The following CHLSN variants were observed in gnomAD, a reference collection of about 807,000 sequenced individuals.
The protein encoded by CHLSN is protein cholesin.
At chr7:1,105,859 G>A in the CHLSN span, among the ~76,000 whole-genome samples, 2 of 152,146 alleles carry the variant, frequency 1.3e-5, no homozygotes, top group Non-Finnish European at 2.9e-5. Context: ...GGAGGAAAAG[G>A]CTTTGTTTTT....
chr7:978,446 G>C, the CHLSN span, among the ~76,000 whole-genome samples: 3 of 152,156 alleles, frequency 2.0e-5, no homozygotes, highest in Admixed American at 2.0e-4. Context: ...TGAGCCCTGG[G>C]AGGTCGAGGC....
At chr7:1,109,013 A>G in the CHLSN span, among the ~76,000 whole-genome samples, 1 of 150,646 alleles carries the variant, frequency 6.6e-6, no homozygotes, top group East Asian at 2.0e-4. Flanking sequence ...CTCCTGCCTC[A>G]GCCTCCCAAG....
the CHLSN span, among the ~76,000 whole-genome samples, chr7:1,009,564 G>T: frequency 6.6e-6 from 1 of 152,140 alleles, no homozygotes; most frequent in Non-Finnish European, 1.5e-5. Flanking sequence ...TGGCAGTGGC[G>T]CCTCCTGTCA....
chr7:1,066,590 C>G, the CHLSN span, among the ~76,000 whole-genome samples: 1 of 152,046 alleles, frequency 6.6e-6, no homozygotes, highest in Non-Finnish European at 1.5e-5. Flanking sequence ...GGGGTTCTAC[C>G]TGCCCTCTAC....
chr7:1,078,019 T>G, the CHLSN span: 1 of 152,240 alleles, frequency 6.6e-6, no homozygotes, highest in African/African-American at 2.4e-5. Context: ...AAAGCTTCTC[T>G]ATACTACAGA....
chr7:1,108,891 A>T, the CHLSN span, among the ~76,000 whole-genome samples: 1 of 139,662 alleles, frequency 7.2e-6, no homozygotes, highest in Non-Finnish European at 1.5e-5. Flanking sequence ...TATTTCTCCC[A>T]GGCATTTTTT....
the CHLSN span, among the ~76,000 whole-genome samples, chr7:1,103,939 C>G: frequency 6.6e-6 from 1 of 152,210 alleles, no homozygotes; most frequent in Non-Finnish European, 1.5e-5. Context: ...GCCTGAACGG[C>G]CCACAGCAGC....
chr7:1,084,103 G>A, the CHLSN span, among the ~76,000 whole-genome samples: 2 of 152,244 alleles, frequency 1.3e-5, no homozygotes, highest in African/African-American at 2.4e-5. Context: ...TGCAGAAATT[G>A]GAGCAGAGTT....
the CHLSN span, among the ~76,000 whole-genome samples, chr7:1,014,439 C>T: frequency 6.6e-6 from 1 of 152,268 alleles, no homozygotes; most frequent in Non-Finnish European, 1.5e-5. Flanking sequence ...CCACCCCACC[C>T]GTCCATCTGT....
At chr7:993,359 T>TGCAGGGACAG in the CHLSN span, among the ~76,000 whole-genome samples, 17 of 152,010 alleles carry the variant, frequency 1.1e-4, no homozygotes, top group Non-Finnish European at 2.2e-4. Context: ...ACCTGATCTG[T>TGCAGGGACAG]GCAGGGACAG....
chr7:1,000,332 C>T, the CHLSN span: 21 of 697,512 alleles, frequency 3.0e-5, no homozygotes, highest in Middle Eastern at 4.0e-4. Flanking sequence ...GTGCCTGCCC[C>T]GCCGTGCACA....
At chr7:1,036,358 C>T in the CHLSN span, among the ~76,000 whole-genome samples, 1 of 147,244 alleles carries the variant, frequency 6.8e-6, no homozygotes, top group East Asian at 2.0e-4. Flanking sequence ...GGCTCGGGTG[C>T]TCGTGGTGTG....
At chr7:1,033,171 G>A in the CHLSN span, among the ~76,000 whole-genome samples, 2 of 152,142 alleles carry the variant, frequency 1.3e-5, no homozygotes, top group East Asian at 1.9e-4. Flanking sequence ...AAATACAGAC[G>A]CAAACATCCT....
At chr7:1,136,613 TAAATATATAA>T in the CHLSN span, among the ~76,000 whole-genome samples, 4 of 144,604 alleles carry the variant, frequency 2.8e-5, no homozygotes, top group African/African-American at 1.0e-4. Context: ...TAAATATATA[TAAATATATAA>T]AAATAAATAT....
At chr7:978,239 TG>T in the CHLSN span, among the ~76,000 whole-genome samples, 1 of 152,056 alleles carries the variant, frequency 6.6e-6, no homozygotes, top group Non-Finnish European at 1.5e-5. Context: ...GGGAAGGGGC[TG>T]GGGGCGGTGG....
chr7:1,092,500 C>T, the CHLSN span: 4 of 1,607,872 alleles, frequency 2.5e-6, no homozygotes, highest in East Asian at 6.7e-5. Context: ...GCAGAAGGCG[C>T]TCCGCATGAT....
the CHLSN span, among the ~76,000 whole-genome samples, chr7:988,071 G>A: frequency 4.0e-5 from 6 of 151,798 alleles, no homozygotes; most frequent in Non-Finnish European, 2.9e-5. Context: ...CATGCATCCT[G>A]GGTGTCCTCT....
chr7:1,048,069 T>C, the CHLSN span, among the ~76,000 whole-genome samples: 1 of 151,944 alleles, frequency 6.6e-6, no homozygotes, highest in Non-Finnish European at 1.5e-5. Flanking sequence ...GTGGAGACAG[T>C]GGTCAGGGGT....
chr7:1,124,049 G>A, the CHLSN span, among the ~76,000 whole-genome samples: 2 of 152,356 alleles, frequency 1.3e-5, no homozygotes, highest in East Asian at 3.9e-4. Flanking sequence ...GCAGCTGCGT[G>A]TTACAGACCA....
Sources: allele counts gnomAD v4.1 joint callset (sites outside exome capture counted in the v4.1 genomes callset), GRCh38; gene constraint gnomAD v4.1.1; transcripts MANE v1.5; gene names NCBI Gene and HGNC (gene_info 2026-07-23, HGNC 2026-07-21).